The following NELL1 variants were observed in gnomAD, a reference collection of about 807,000 sequenced individuals.
NELL1 encodes the protein protein kinase C-binding protein NELL1.
Under a neutral mutation model 107.4 loss-of-function variants are expected in NELL1, and 76 were observed. The ratio of observed to expected loss-of-function variants is 0.71; its 90% CI spans 0.59 to 0.86. The LOEUF (loss-of-function observed/expected upper bound fraction) is 0.86. NELL1 is among the 40% of genes least tolerant of loss of function. The pLI, the probability that NELL1 is intolerant of heterozygous loss-of-function variation, is 0.00. For missense variants in NELL1, 1,024 were observed against 1,005.5 expected (o/e 1.02, Z -0.25); for synonymous variants, 353 against 341.2 (o/e 1.03, Z -0.38).
At chr11:21,491,143 A>C (rs894230300) in intron 15 of NELL1, among the ~76,000 whole-genome samples, 74 of 152,168 alleles carry the variant, frequency 4.9e-4, no homozygotes, top group Non-Finnish European at 5.0e-4. Context: ...CCCATTTTGT[A>C]GGTTGCCTGT....
chr11:21,040,086 G>A (rs1474791072), intron 12 of NELL1, among the ~76,000 whole-genome samples: 2 of 150,912 alleles, frequency 1.3e-5, no homozygotes, highest in African/African-American at 4.9e-5. Flanking sequence ...CACTAATATT[G>A]GTATTTTTTC....
intron 2 of NELL1, chr11:20,769,253 A>C (rs1856594519): frequency 6.6e-6 from 1 of 152,460 alleles, no homozygotes; most frequent in South Asian, 2.1e-4. Flanking sequence ...TCTGACAAGT[A>C]AGACAGAAGG....
intron 2 of NELL1, among the ~76,000 whole-genome samples, chr11:20,728,762 T>G (rs1237592554): frequency 6.6e-6 from 1 of 152,194 alleles, no homozygotes; most frequent in African/African-American, 2.4e-5. Context: ...TTTGTTCTTT[T>G]TGCTTAGGAT....
chr11:21,540,591 A>ACAAT (rs1159459413), intron 16 of NELL1, among the ~76,000 whole-genome samples: 2 of 152,076 alleles, frequency 1.3e-5, no homozygotes, highest in Admixed American at 6.6e-5. Flanking sequence ...CAGGAAACTT[A>ACAAT]CAATCATGGG....
chr11:20,819,307 A>T (rs1415003212), intron 3 of NELL1, among the ~76,000 whole-genome samples: 1 of 152,206 alleles, frequency 6.6e-6, no homozygotes, highest in Admixed American at 6.5e-5. Context: ...AGGTTGTCAG[A>T]GAACAGTCAG....
intron 15 of NELL1, among the ~76,000 whole-genome samples, chr11:21,387,319 T>C (rs1421712325): frequency 6.6e-6 from 1 of 151,832 alleles, no homozygotes; most frequent in Non-Finnish European, 1.5e-5. Flanking sequence ...TTAAAGACAC[T>C]AAAAGTATCA....
intron 12 of NELL1, among the ~76,000 whole-genome samples, chr11:21,016,185 G>A (rs1012591434): frequency 6.6e-6 from 1 of 152,104 alleles, no homozygotes; most frequent in Non-Finnish European, 1.5e-5. Context: ...TCAGGGCAAG[G>A]TGAGTGTAAT....
intron 13 of NELL1, among the ~76,000 whole-genome samples, chr11:21,220,474 G>A (rs1031594106): frequency 6.6e-6 from 1 of 152,012 alleles, no homozygotes; most frequent in Non-Finnish European, 1.5e-5. Context: ...AGTATGGTTT[G>A]TTTAACAATA....
rs561675129 is a variant in NELL1 at position 21,270,512 on chromosome 11, G to A, written c.1549+41058G>A. 7.5e-4 allele frequency among the ~76,000 whole-genome samples: 114 copies of A among 152,080 alleles called. 2 individuals carry two copies. Among genetic ancestry groups the A allele is most frequent in the Non-Finnish European group, 2.1e-4 (14 of 67,978 alleles). Reference sequence around the variant, plus strand: ...ATCTTTTTGTGTATGTGCCTAACATGAGAACCTCAAAATACATGAGTAAAA... The same window carrying A: ...ATCTTTTTGTGTATGTGCCTAACATAAGAACCTCAAAATACATGAGTAAAA... On this transcript the variant is annotated intron_variant, in intron 14 of 19. Coordinates refer to ENST00000357134, the MANE Select transcript of NELL1 (RefSeq NM_006157.5).
intron 13 of NELL1, among the ~76,000 whole-genome samples, chr11:21,165,449 G>A (rs7119634): frequency 0.48 from 72,276 of 151,944 alleles, 17,585 homozygotes; most frequent in African/African-American, 0.55. Context: ...TGAGCATTCC[G>A]GAGTTACCTT....
intron 14 of NELL1, among the ~76,000 whole-genome samples, chr11:21,369,208 A>G (rs1438702831): frequency 5.3e-5 from 8 of 151,916 alleles, no homozygotes; most frequent in Admixed American, 5.3e-4. Context: ...TCCATCTGTT[A>G]TTTTTAGCTT....
chr11:21,534,283 T>A, intron 15 of NELL1, 91 bp from the exon 16 acceptor site: 1 of 1,432,534 alleles, frequency 7.0e-7, no homozygotes, highest in Non-Finnish European at 9.8e-7. Context: ...TTAATTGATA[T>A]GTTGACATGA....
intron 4 of NELL1, among the ~76,000 whole-genome samples, chr11:20,852,439 A>G (rs1001488925): frequency 3.3e-5 from 5 of 152,218 alleles, no homozygotes; most frequent in Admixed American, 3.3e-4. Context: ...TAATTTCAGG[A>G]TGTGAGCATC....
chr11:21,516,591 G>C (rs1855567267), intron 15 of NELL1, among the ~76,000 whole-genome samples: 1 of 152,104 alleles, frequency 6.6e-6, no homozygotes, highest in African/African-American at 2.4e-5. Context: ...GCATGTTACT[G>C]TACTGAATAC....
chr11:20,751,381 A>C (rs567624687), intron 2 of NELL1, among the ~76,000 whole-genome samples: 1 of 152,190 alleles, frequency 6.6e-6, no homozygotes, highest in Admixed American at 6.5e-5. Context: ...CAATCCATCA[A>C]CATTGTCTAT....
intron 14 of NELL1, among the ~76,000 whole-genome samples, chr11:21,357,064 T>C (rs2133730241): frequency 6.6e-6 from 1 of 152,338 alleles, no homozygotes; most frequent in Non-Finnish European, 1.5e-5. Context: ...TGATGGGCAT[T>C]TAGGCTGGTT....
chr11:20,669,839 G>A lies in NELL1; in HGVS notation c.55+61G>A, dbSNP rs1200726104. On this transcript the variant is annotated intron_variant, in intron 1 of 19. Transcript: ENST00000357134. The surrounding 1 kb of genome is among the most constrained non-coding windows in gnomAD (Gnocchi z 4.4). ...AATGGGGGTGCCCACAGACCACGGC[G>A]GCGTGGGGAGACCTGGAGCCGAGCT... The A allele has an allele frequency of 3.5e-6, 5 of 1,411,564 alleles. No individual in the cohort carries two copies. Among genetic ancestry groups the A allele is most frequent in the Admixed American group, 1.7e-5 (1 of 59,350 alleles). 87.4% of individuals were successfully genotyped at this position (1,411,564 alleles called of 1,614,324 possible).
chr11:21,011,917 A>G (rs7946000), intron 12 of NELL1, among the ~76,000 whole-genome samples: 12,719 of 152,160 alleles, frequency 0.084, 1,750 homozygotes, highest in African/African-American at 0.29. Context: ...TTCATGTTCA[A>G]CTTCTGGAGT....
intron 10 of NELL1, among the ~76,000 whole-genome samples, chr11:20,941,560 T>C (rs11025826): frequency 0.062 from 9,448 of 152,198 alleles, 389 homozygotes; most frequent in East Asian, 0.2. Context: ...CCATTCCCAC[T>C]GCAACATAAC....
Sources: gnomAD v4.1 joint callset for allele counts (sites outside exome capture counted in the v4.1 genomes callset) on GRCh38, gnomAD v4.1.1 for gene constraint, Gnocchi (gnomAD v3.1) non-coding constraint, MANE v1.5 for transcripts, NCBI Gene and HGNC (gene_info 2026-07-23, HGNC 2026-07-21) for gene names.